The following ASAH2 variants were observed in gnomAD, a reference collection of about 807,000 sequenced individuals.
The protein encoded by ASAH2 is N-acylsphingosine amidohydrolase 2.
In ASAH2, 58 loss-of-function variants were observed where a neutral mutation model predicts 82.9. That is an observed-to-expected ratio of 0.70 (90% CI 0.57 to 0.87). ASAH2 has a LOEUF of 0.87. Ranked by LOEUF, ASAH2 falls within the 40% of genes least tolerant of loss-of-function variation. ASAH2 has a pLI of 0.00. For synonymous variants in ASAH2, 276 were observed against 289.7 expected (o/e 0.95, Z 0.48); for missense variants, 779 against 834.0 (o/e 0.93, Z 0.81).
At position 50,243,328 on chromosome 10, in the gene ASAH2, C is replaced by G. The variant is rs1173818047; in HGVS notation, c.384G>C (p.Gln128His). 6.2e-7 allele frequency: 1 copy of G among 1,613,940 alleles called. No homozygotes were observed. The highest frequency in any genetic ancestry group is 2.2e-5 in the East Asian group (1 of 44,886). Residue 128 changes from glutamine (Q) to histidine (H), a missense_variant, in exon 4 of 21, where the codon CAG becomes CAC. Gln to His is a conservative substitution (Grantham distance 24, BLOSUM62 0). Around this residue, in one of 3 missense-constraint regions of ASAH2, gnomAD observed 759 missense variants for 755.2 expected, o/e 1.00. Coordinates refer to ENST00000682911, the MANE Select transcript of ASAH2 (RefSeq NM_019893.4). ...GCCTGGTGAGGATGCCCTGTGCATT[C>G]TGGCCGGATTTGCCATAGCCCATCT... Reference protein sequence around the residue: ...INLMGYGKSGQNAQGILTRLY... With the variant: ...INLMGYGKSGHNAQGILTRLY...
At chr10:50,242,330 C>T (rs541087854) in intron 4 of ASAH2, among the ~76,000 whole-genome samples, 1 of 152,160 alleles carries the variant, frequency 6.6e-6, no homozygotes, top group African/African-American at 2.4e-5. Flanking sequence ...TGCTTTTAGG[C>T]CATCTCATTA....
intron 16 of ASAH2, among the ~76,000 whole-genome samples, chr10:50,200,725 G>A (rs1192886835): frequency 6.6e-6 from 1 of 152,054 alleles, no homozygotes; most frequent in Non-Finnish European, 1.5e-5. Context: ...AAAGTGGCTA[G>A]CACAGTATCT....
chr10:50,198,650 G>T (rs1335450063), intron 17 of ASAH2, among the ~76,000 whole-genome samples: 1 of 151,928 alleles, frequency 6.6e-6, no homozygotes, highest in Non-Finnish European at 1.5e-5. Flanking sequence ...GGAGAATCTG[G>T]CAAGGATTAG....
chr10:50,209,327 A>C (rs1845391177), intron 12 of ASAH2, among the ~76,000 whole-genome samples: 1 of 152,026 alleles, frequency 6.6e-6, no homozygotes, highest in African/African-American at 2.4e-5. Context: ...ACAATCAATA[A>C]AGTGAAAAAA....
rs114893748 is a variant in ASAH2, at chr10:50,245,280, C to T, written c.302G>A (p.Gly101Asp). 342 of 1,614,068 alleles carry T rather than the reference C, an allele frequency of 2.1e-4. No homozygotes were observed. The African/African-American group carries it at 4.1e-3, about 19-fold the overall frequency. ...PESPLFQNFS[G>D]YHIGVGRADC... is the part of the protein sequence containing the mutation. ...AGCTCGTCCAACACCAATATGGTAG[C>T]CACTGAAGTTCTGAAATAGAGGAGA... Residue 101 changes from glycine (G) to aspartate (D), a missense_variant, in exon 3 of 21, where the codon GGC becomes GAC. Physicochemically the swap from Gly to Asp is moderately conservative, Grantham distance 94. Transcript: ENST00000682911.
intron 4 of ASAH2, among the ~76,000 whole-genome samples, chr10:50,237,207 GC>G (rs1446490922): frequency 6.6e-6 from 1 of 152,140 alleles, no homozygotes; most frequent in Non-Finnish European, 1.5e-5. Flanking sequence ...AATTCAGTGT[GC>G]CTTGAAACGA....
chr10:50,245,331 G>C lies in ASAH2; in HGVS notation c.251C>G (p.Thr84Ser). The C allele has an allele frequency of 2.5e-6, 4 of 1,614,026 alleles. No homozygotes were observed. The highest frequency in any genetic ancestry group is 2.2e-5 in the East Asian group (1 of 44,880). ...CTCTGGGGTTAAAGGCACTGGAGAAGTTTGAGTGGCTGTGGAGCTCTGGGT... is the reference window on the plus strand; with the variant it reads ...CTCTGGGGTTAAAGGCACTGGAGAACTTTGAGTGGCTGTGGAGCTCTGGGT... The part of the protein sequence containing the change: ...TATQSSTATQ[T>S]SPVPLTPESP... The change falls in exon 3 of 21, where the codon ACT (threonine) becomes AGT (serine). Residue 84 changes from threonine to serine, a missense_variant. Physicochemically the swap from Thr to Ser is moderately conservative, Grantham distance 58 (BLOSUM62 1). Transcript: ENST00000682911.
At chr10:50,249,522 A>G (rs1164245103) in intron 1 of ASAH2, among the ~76,000 whole-genome samples, 4 of 152,192 alleles carry the variant, frequency 2.6e-5, no homozygotes, top group African/African-American at 4.8e-5. Context: ...CATTTCTGCC[A>G]CTTACTGGAT....
Position 50,204,946 on chromosome 10 carries a change from GTT to G in ASAH2, c.1538_1539del (p.Lys513ThrfsTer10), listed in dbSNP as rs1845257306. On this transcript the variant is annotated frameshift_variant, in exon 14 of 21. Transcript: ENST00000682911. LOFTEE classifies it high-confidence loss of function. ...PILLHTGELS[K>X]PHPWHPDIVD... ...ACAATGTCTGGATGCCAGGGGTGAG[GTT>G]TTGATAGCTGAGAACCCAAAACAAG... is the stretch of plus-strand genomic sequence containing the variant. 16 of 1,609,170 alleles carry G rather than the reference GTT, an allele frequency of 9.9e-6. No homozygotes were observed. The highest frequency in any genetic ancestry group is 1.4e-5 in the Non-Finnish European group (16 of 1,177,790).
At chr10:50,246,205 T>C (rs185112125) in intron 2 of ASAH2, among the ~76,000 whole-genome samples, 118 of 152,286 alleles carry the variant, frequency 7.7e-4, no homozygotes, top group African/African-American at 2.6e-3. Context: ...ACAAACTGCC[T>C]GGGTTTGAAA....
rs913434632 is a variant in ASAH2 at position 50,203,578 on chromosome 10, G to A, written c.1665+62C>T. 4.3e-3 allele frequency: 2,103 copies of A among 485,176 alleles called. 30 individuals carry two copies. The highest frequency in any genetic ancestry group is 0.042 in the African/African-American group (1,895 of 45,304). The allele number at this position is 485,176 out of a possible 1,614,324, so 30.1% of individuals were successfully genotyped here. On this transcript the variant is annotated intron_variant, in intron 15 of 20. Transcript: ENST00000682911. ...CTCTAGATATAGGATCATAGGGATA[G>A]GATATACTTTCCTCTTCACCAAACA...
intron 18 of ASAH2, among the ~76,000 whole-genome samples, chr10:50,194,211 A>G (rs1201852086): frequency 2.6e-5 from 4 of 151,534 alleles, no homozygotes; most frequent in African/African-American, 9.7e-5. Context: ...CAACACATAA[A>G]AAGAAAACTA....
At chr10:50,202,808 G>T in intron 16 of ASAH2, 21 bp downstream of exon 16, 14 of 1,498,048 alleles carry the variant, frequency 9.3e-6, no homozygotes, top group Non-Finnish European at 1.3e-5. Context: ...TCATTTAAAT[G>T]ATGAAAACGT....
In ASAH2 at chr10:50,243,262, G is replaced by A; in HGVS notation, c.450C>T (p.Ser150=). Residue 150 remains serine, a synonymous_variant, in exon 4 of 21, where the codon TCC becomes TCT. Transcript: ENST00000682911. ...RAFIMAEPDG[S]NRTVFVSIDI... is the part of the protein sequence containing the mutation. ...CGATGCTGACAAACACTGTTCGATT[G>A]GACCCATCAGGTTCTGCCATGATGA... 6.2e-7 allele frequency: 1 copy of A among 1,614,046 alleles called. No individual in the cohort carries two copies. Among genetic ancestry groups the A allele is most frequent in the Non-Finnish European group, 8.5e-7 (1 of 1,179,970 alleles).
chr10:50,203,615 A>T, intron 15 of ASAH2, 25 bp downstream of exon 15: 1 of 1,602,452 alleles, frequency 6.2e-7, no homozygotes, highest in Non-Finnish European at 8.5e-7. Context: ...GAACATGTAG[A>T]TATGTTATTT....
At chr10:50,220,814 A>G (rs1311696150) in intron 7 of ASAH2, among the ~76,000 whole-genome samples, 4 of 109,904 alleles carry the variant, frequency 3.6e-5, no homozygotes, top group Non-Finnish European at 6.9e-5. Context: ...ATGTCCTGGT[A>G]TTTGCTTTCA....
At chr10:50,193,907 TTCCTAGA>T (rs1844907036) in intron 18 of ASAH2, among the ~76,000 whole-genome samples, 1 of 150,652 alleles carries the variant, frequency 6.6e-6, no homozygotes, top group African/African-American at 2.4e-5. Context: ...AATGAGAAAA[TTCCTAGA>T]ATGATACCAA....
chr10:50,210,968 T>C, intron 11 of ASAH2, 62 bp downstream of exon 11: 1 of 1,600,824 alleles, frequency 6.2e-7, no homozygotes, highest in Non-Finnish European at 8.6e-7. Flanking sequence ...TGAAAGTAAA[T>C]AATGAGATCA....
chr10:50,245,073 G>T (rs1846411229), intron 3 of ASAH2, 149 bp downstream of exon 3: 2 of 694,192 alleles, frequency 2.9e-6, no homozygotes, highest in Non-Finnish European at 2.4e-6. Context: ...CTTCTAGTAT[G>T]AAATTCATAG....
Sources: allele counts gnomAD v4.1 joint callset (sites outside exome capture counted in the v4.1 genomes callset), GRCh38; gene constraint gnomAD v4.1.1; regional missense constraint gnomAD v4.1.1; transcripts MANE v1.5; gene names NCBI Gene and HGNC (gene_info 2026-07-23, HGNC 2026-07-21).